Variants in CDK18 observed in about 807,000 individuals in gnomAD.
CDK18 encodes the protein cyclin-dependent kinase 18.
CDK18 carries 52 observed loss-of-function variants against 62.0 expected under a neutral mutation model. The observed-to-expected ratio is 0.84, with a 90% CI of 0.67 to 1.06. The LOEUF is 1.06. CDK18 is among the 50% of genes least tolerant of loss of function. The pLI, the probability that CDK18 is intolerant of heterozygous loss-of-function variation, is 0.00. For missense variants in CDK18, 604 were observed against 619.9 expected (o/e 0.97, Z 0.27); for synonymous variants, 237 against 247.0 (o/e 0.96, Z 0.38).
intron 1 of CDK18, among the ~76,000 whole-genome samples, chr1:205,508,497 G>A (rs923223377): frequency 2.0e-5 from 3 of 152,326 alleles, no homozygotes; most frequent in Admixed American, 6.5e-5. Flanking sequence ...GCGCATCTCC[G>A]CCAGACCTCC....
chr1:205,505,779 C>A (rs1667276750), intron 1 of CDK18, among the ~76,000 whole-genome samples: 1 of 151,960 alleles, frequency 6.6e-6, no homozygotes, highest in Admixed American at 6.5e-5. Flanking sequence ...AGGCACCAGC[C>A]CTGCCTCTCT....
chr1:205,526,302 C>T lies in CDK18; in HGVS notation c.572-65C>T. The T allele has an allele frequency of 2.7e-6, 4 of 1,500,816 alleles. No individual in the cohort carries two copies. In the Admixed American group the frequency reaches 5.0e-5, roughly 19 times the overall value. 93.0% of individuals were successfully genotyped at this position (1,500,816 alleles called of 1,614,324 possible). ...TGGAATGGGACTCCTGGCGCTGACC[C>T]CAAGAAAAGAGGGTATGGGGACACA... On this transcript the variant is annotated intron_variant, in intron 6 of 15. Coordinates refer to ENST00000429964, the MANE Select transcript of CDK18 (RefSeq NM_212502.3).
chr1:205,518,277 G>A (rs1269237618), intron 1 of CDK18, among the ~76,000 whole-genome samples: 1 of 152,142 alleles, frequency 6.6e-6, no homozygotes, highest in East Asian at 1.9e-4. Context: ...CCCTACCCCT[G>A]TTAGAAAGTA....
At chr1:205,513,447 C>A (rs555100960) in intron 1 of CDK18, among the ~76,000 whole-genome samples, 1 of 152,346 alleles carries the variant, frequency 6.6e-6, no homozygotes, top group Non-Finnish European at 1.5e-5. Flanking sequence ...AGAGTGCAGA[C>A]CAGCTTTAGC....
At chr1:205,526,688 G>A (rs1393760992) in intron 7 of CDK18, 87 bp from the exon 8 acceptor site, 2 of 1,334,064 alleles carry the variant, frequency 1.5e-6, no homozygotes, top group Admixed American at 1.7e-5. Flanking sequence ...GCCCTTCCCA[G>A]GGAGGGGCTT....
chr1:205,506,672 C>A (rs1667321567), intron 1 of CDK18, among the ~76,000 whole-genome samples: 1 of 152,216 alleles, frequency 6.6e-6, no homozygotes, highest in East Asian at 1.9e-4. Flanking sequence ...CCGTCTGACC[C>A]CAAGCCCCTG....
rs1668410661 is a variant in CDK18, at chr1:205,526,133, C to G, written c.525C>G (p.Ile175Met). The G allele has an allele frequency of 6.2e-7, 1 of 1,614,094 alleles. No individual in the cohort carries two copies. Among genetic ancestry groups the G allele is most frequent in the South Asian group, 1.1e-5 (1 of 91,060 alleles). The part of the protein sequence containing the change: ...LTENLVALKE[I>M]RLEHEEGAPC... ...AGAACCTTGTGGCCCTGAAAGAGAT[C>G]CGGCTGGAGCACGAGGAGGGAGCGC... Residue 175 changes from isoleucine (I) to methionine (M), a missense_variant, in exon 6 of 16, where the codon ATC (isoleucine) becomes ATG (methionine). Ile to Met is a conservative substitution (Grantham distance 10, BLOSUM62 1). Transcript: ENST00000429964.
At chr1:205,508,005 T>C (rs1310750694) in intron 1 of CDK18, among the ~76,000 whole-genome samples, 1 of 152,190 alleles carries the variant, frequency 6.6e-6, no homozygotes, top group Non-Finnish European at 1.5e-5. Flanking sequence ...GGCAGCAGTC[T>C]CTTGCTCTGA....
chr1:205,525,635 G>A (rs923644007), intron 5 of CDK18, among the ~76,000 whole-genome samples: 4 of 152,168 alleles, frequency 2.6e-5, no homozygotes, highest in East Asian at 3.9e-4. Context: ...GCTTATGTAC[G>A]GCACACAGAC....
chr1:205,522,446 C>T (rs1022279293), intron 1 of CDK18: 2 of 148,648 alleles, frequency 1.3e-5, no homozygotes, highest in African/African-American at 4.9e-5. Context: ...CTGCTCCTGA[C>T]CTCCTGTATT....
In CDK18 at chr1:205,516,026, A is replaced by C. The variant is rs1017941372; in HGVS notation, c.-21-7121A>C. Among the ~76,000 whole-genome samples, 1 of 152,148 alleles carries C rather than the reference A, an allele frequency of 6.6e-6. No individual in the cohort carries two copies. Among genetic ancestry groups the C allele is most frequent in the Non-Finnish European group, 1.5e-5 (1 of 68,032 alleles). On this transcript the variant is annotated intron_variant, in intron 1 of 15. Coordinates refer to ENST00000429964, the MANE Select transcript of CDK18 (RefSeq NM_212502.3). The surrounding 1 kb of genome is among the most constrained non-coding windows in gnomAD (Gnocchi z 4.8). ...CAGGCTGGGGCAGGGCAAGGTTGTG[A>C]GGAGGCCCCAAGGCTTCTGCTGCTG...
chr1:205,524,200 G>A lies in CDK18; in HGVS notation c.274-32G>A, dbSNP rs1234616299. The A allele has an allele frequency of 1.9e-6, 3 of 1,614,000 alleles. No homozygotes were observed. In the South Asian group the frequency reaches 3.3e-5, roughly 18 times the overall value. ...AGCCCTAGCTACCCTGAAACCAACA[G>A]TGGTGTCCCCATCTCATCCCTGTCA... On this transcript the variant is annotated intron_variant, in intron 3 of 15. Transcript: ENST00000429964.
chr1:205,511,755 A>G (rs1482992727), intron 1 of CDK18, among the ~76,000 whole-genome samples: 1 of 152,112 alleles, frequency 6.6e-6, no homozygotes, highest in Non-Finnish European at 1.5e-5. Flanking sequence ...TGTCCTCTTC[A>G]CTTAAAAACA....
Position 205,525,193 on chromosome 1 carries a change from G to A in CDK18, c.454G>A (p.Glu152Lys). Residue 152 changes from glutamate to lysine, a missense_variant and splice_region_variant, in exon 5 of 16, where the codon GAG (glutamate) becomes AAG (lysine). Glu to Lys is a moderately conservative substitution (Grantham distance 56). Transcript: ENST00000429964. ...ATACGTGAAACTGGACAAACTGGGA[G>A]AGGTAAGACGCTGGGTTTGGTCTTC... ...ETYVKLDKLG[E>K]GTYATVFKGR... 1 of 1,610,152 alleles carries A rather than the reference G, an allele frequency of 6.2e-7. No individual in the cohort carries two copies. The highest frequency in any genetic ancestry group is 8.5e-7 in the Non-Finnish European group (1 of 1,177,010).
Position 205,524,231 on chromosome 1 carries a change from G to A in CDK18, c.274-1G>A. 6.2e-7 allele frequency: 1 copy of A among 1,614,196 alleles called. No homozygotes were observed. Among genetic ancestry groups the A allele is most frequent in the Non-Finnish European group, 8.5e-7 (1 of 1,180,024 alleles). ...TCCCCATCTCATCCCTGTCACCACA[G>A]GACGTCAGCAAGAGGCTCTCTCTGC... On this transcript the variant is annotated splice_acceptor_variant, in intron 3 of 15. Coordinates refer to ENST00000429964, the MANE Select transcript of CDK18 (RefSeq NM_212502.3). LOFTEE classifies it high-confidence loss of function.
chr1:205,529,730 A>C (rs1558786989), intron 13 of CDK18, 167 bp downstream of exon 13: 3 of 1,537,268 alleles, frequency 2.0e-6, no homozygotes, highest in Admixed American at 2.0e-5. Flanking sequence ...CTCCATACAC[A>C]TCCTCTGGAG....
At chr1:205,524,513 C>G (rs1668320891) in intron 4 of CDK18, among the ~76,000 whole-genome samples, 156 bp downstream of exon 4, 1 of 152,218 alleles carries the variant, frequency 6.6e-6, no homozygotes, top group African/African-American at 2.4e-5. Context: ...CTAGCTCGTC[C>G]TCCTACATCA....
Position 205,516,149 on chromosome 1 carries a change from G to A in CDK18, c.-21-6998G>A, listed in dbSNP as rs545171002. On this transcript the variant is annotated intron_variant, in intron 1 of 15. Coordinates refer to ENST00000429964, the MANE Select transcript of CDK18 (RefSeq NM_212502.3). This position sits in a 1 kb window ranked among gnomAD's most constrained non-coding sequence, Gnocchi z 4.8. ...AAGGCCTCCAGCTGTGCAGAACAGG[G>A]TCAGCTGGAGGATGAAGGAAGAGAT... Among the ~76,000 whole-genome samples, 3 of 152,340 alleles carry A rather than the reference G, an allele frequency of 2.0e-5. No homozygotes were observed. The highest frequency in any genetic ancestry group is 2.9e-5 in the Non-Finnish European group (2 of 68,034).
chr1:205,509,276 C>G (rs904542332), intron 1 of CDK18, among the ~76,000 whole-genome samples: 1 of 152,174 alleles, frequency 6.6e-6, no homozygotes, highest in Non-Finnish European at 1.5e-5. Flanking sequence ...TTTCCTGGAG[C>G]TCTTGATAAT....
Sources: allele counts gnomAD v4.1 joint callset (sites outside exome capture counted in the v4.1 genomes callset), GRCh38; gene constraint gnomAD v4.1.1; non-coding constraint Gnocchi (gnomAD v3.1); transcripts MANE v1.5; gene names NCBI Gene and HGNC (gene_info 2026-07-23, HGNC 2026-07-21).